MAGI2: variants seen among roughly 807,000 people sequenced by gnomAD.
MAGI2 encodes the protein membrane associated guanylate kinase, WW and PDZ domain containing 2.
In MAGI2, 35 loss-of-function variants were observed where a neutral mutation model predicts 133.3. That is an observed-to-expected ratio of 0.26 (90% confidence interval 0.20 to 0.35). The LOEUF (loss-of-function observed/expected upper bound fraction) is 0.35, where lower values mean the gene tolerates loss of function less well. Ranked by LOEUF, MAGI2 falls within the 10% of genes least tolerant of loss-of-function variation. The pLI is 1.00. For synonymous variants in MAGI2, 729 were observed against 710.6 expected (o/e 1.03, Z -0.41); for missense variants, 1,636 against 1,863.4 (o/e 0.88, Z 2.25).
In MAGI2 at chr7:78,019,130, G is replaced by A. The variant is rs946294399; in HGVS notation, c.*185C>T. The A allele has an allele frequency of 7.8e-6, 5 of 643,782 alleles. No individual in the cohort carries two copies. Among genetic ancestry groups the A allele is most frequent in the Admixed American group, 6.0e-5 (2 of 33,096 alleles). 39.9% of individuals were successfully genotyped at this position (643,782 alleles called of 1,614,324 possible). ...ACCGGGGGCTTTAGGATCAGTTTAGGTCTGCGCGTTGATGCGATGCCGCCC... is the reference window on the plus strand; with the variant it reads ...ACCGGGGGCTTTAGGATCAGTTTAGATCTGCGCGTTGATGCGATGCCGCCC... On this transcript the variant is annotated 3_prime_UTR_variant, in exon 22 of 22. Transcript: ENST00000354212.
At chr7:78,547,620 T>C (rs1469689116) in intron 3 of MAGI2, among the ~76,000 whole-genome samples, 2 of 152,250 alleles carry the variant, frequency 1.3e-5, no homozygotes, top group Non-Finnish European at 2.9e-5. Context: ...AGGAACCACC[T>C]TGGACAGGAT....
In MAGI2 at chr7:78,884,143, G is replaced by A. The variant is rs1799027; in HGVS notation, c.418+122947C>T. 1.1e-4 allele frequency among the ~76,000 whole-genome samples: 17 copies of A among 151,974 alleles called. No homozygotes were observed. The East Asian group carries it at 3.3e-3, about 30-fold the overall frequency. On this transcript the variant is annotated intron_variant, in intron 2 of 21. Coordinates refer to ENST00000354212, the MANE Select transcript of MAGI2 (RefSeq NM_012301.4). ...CTAATATTCAGAATCTATAAAAAAC[G>A]TAAAGAACAAAACAAGCAAAAAACC...
chr7:79,390,444 T>C (rs1040951041), intron 1 of MAGI2, among the ~76,000 whole-genome samples: 6 of 152,196 alleles, frequency 3.9e-5, no homozygotes, highest in Admixed American at 2.0e-4. Flanking sequence ...GCAAATTATA[T>C]AGCAATAGAA....
At chr7:78,448,331 A>T (rs1468450644) in intron 6 of MAGI2, among the ~76,000 whole-genome samples, 3 of 151,902 alleles carry the variant, frequency 2.0e-5, no homozygotes, top group African/African-American at 7.3e-5. Context: ...TCCTAGTTTT[A>T]ATTTTCTGAG....
At chr7:78,913,433 C>T (rs1032651468) in intron 2 of MAGI2, among the ~76,000 whole-genome samples, 1 of 152,116 alleles carries the variant, frequency 6.6e-6, no homozygotes, top group African/African-American at 2.4e-5. Context: ...TGTAAGTTTC[C>T]TGAGGCCTCC....
chr7:78,161,667 T>TAAAAAAAAAAA lies in MAGI2; in HGVS notation c.2597-1405_2597-1395dup, dbSNP rs71515391. The stretch of plus-strand genomic sequence containing the variant: ...AGAGACGTTTTGTTACATCGATACC[T>TAAAAAAAAAAA]AAAAAAAAAAAAAAAAAAAAGAAAA... On this transcript the variant is annotated intron_variant, in intron 15 of 21. Transcript: ENST00000354212. Among the ~76,000 whole-genome samples, 55 of 68,900 alleles carry TAAAAAAAAAAA rather than the reference T, an allele frequency of 8.0e-4. 1 individual carries two copies. The highest frequency in any genetic ancestry group is 1.4e-3 in the African/African-American group (24 of 16,920). 45.2% of individuals were successfully genotyped at this position (68,900 alleles called of 152,430 possible).
chr7:79,409,204 A>G (rs1845994590), intron 1 of MAGI2, among the ~76,000 whole-genome samples: 1 of 152,164 alleles, frequency 6.6e-6, no homozygotes, highest in Non-Finnish European at 1.5e-5. Flanking sequence ...GGAACTTAAT[A>G]GAGGGGCCAA....
At chr7:79,307,267 C>T (rs73704122) in intron 1 of MAGI2, among the ~76,000 whole-genome samples, 2,508 of 152,222 alleles carry the variant, frequency 0.016, 59 homozygotes, top group African/African-American at 0.059. Flanking sequence ...AAAATCATAG[C>T]TACACCTAGT....
intron 2 of MAGI2, among the ~76,000 whole-genome samples, chr7:78,747,626 G>T (rs1029978243): frequency 6.6e-6 from 1 of 152,178 alleles, no homozygotes; most frequent in Non-Finnish European, 1.5e-5. Context: ...AGGGAGAGTA[G>T]TCCACTCTCC....
intron 9 of MAGI2, among the ~76,000 whole-genome samples, chr7:78,330,171 T>A (rs1789019596): frequency 6.6e-6 from 1 of 152,178 alleles, no homozygotes; most frequent in South Asian, 2.1e-4. Context: ...ATTTTATATA[T>A]AATAACACAT....
At chr7:79,063,927 A>T (rs1166869369) in intron 1 of MAGI2, among the ~76,000 whole-genome samples, 6 of 152,104 alleles carry the variant, frequency 3.9e-5, no homozygotes, top group Non-Finnish European at 7.4e-5. Flanking sequence ...CTACATTTTA[A>T]ATCTAGCTTA....
At chr7:78,147,311 G>T (rs1214219091) in intron 16 of MAGI2, among the ~76,000 whole-genome samples, 2 of 152,122 alleles carry the variant, frequency 1.3e-5, no homozygotes, top group African/African-American at 4.8e-5. Flanking sequence ...TCAGTTCCCG[G>T]ACTTGAAAAG....
chr7:78,376,063 A>G (rs565234535), intron 6 of MAGI2, among the ~76,000 whole-genome samples: 1 of 152,180 alleles, frequency 6.6e-6, no homozygotes, highest in East Asian at 1.9e-4. Context: ...TTTAAAAGCT[A>G]AATCCATACA....
chr7:79,051,799 A>C (rs1812697770), intron 1 of MAGI2, among the ~76,000 whole-genome samples: 1 of 152,188 alleles, frequency 6.6e-6, no homozygotes, highest in African/African-American at 2.4e-5. Flanking sequence ...GGAACTTTTT[A>C]TGAACACTAA....
intron 2 of MAGI2, among the ~76,000 whole-genome samples, chr7:78,864,642 T>C (rs772008176): frequency 2.0e-5 from 3 of 152,210 alleles, no homozygotes; most frequent in Non-Finnish European, 4.4e-5. Context: ...GGAATTCACA[T>C]GTAAAATTTT....
intron 3 of MAGI2, among the ~76,000 whole-genome samples, chr7:78,605,659 G>A (rs1001244865): frequency 6.6e-6 from 1 of 152,174 alleles, no homozygotes; most frequent in African/African-American, 2.4e-5. Context: ...TCTGTTTGGA[G>A]ATGAATGGAA....
intron 10 of MAGI2, chr7:78,255,632 C>T (rs759770405): frequency 1.8e-6 from 1 of 553,118 alleles, no homozygotes; most frequent in Non-Finnish European, 3.1e-6. Flanking sequence ...ATGACCGATA[C>T]ATGAATGAAT....
chr7:78,312,710 A>G (rs1425219787), intron 9 of MAGI2, among the ~76,000 whole-genome samples: 3 of 152,258 alleles, frequency 2.0e-5, no homozygotes, highest in South Asian at 4.1e-4. Context: ...AATTAGTTCA[A>G]CTTCTATGGA....
intron 2 of MAGI2, among the ~76,000 whole-genome samples, chr7:78,704,427 T>A (rs1158899589): frequency 1.3e-5 from 2 of 152,018 alleles, no homozygotes; most frequent in Non-Finnish European, 2.9e-5. Flanking sequence ...AACACGCTAG[T>A]GAAGTTGTGG....
Sources: gnomAD v4.1 joint callset for allele counts (sites outside exome capture counted in the v4.1 genomes callset) on GRCh38, gnomAD v4.1.1 for gene constraint, MANE v1.5 for transcripts, NCBI Gene and HGNC (gene_info 2026-07-23, HGNC 2026-07-21) for gene names.